Variants in CCDC144A observed in about 807,000 individuals in gnomAD.
CCDC144A encodes the protein coiled-coil domain-containing protein 144A.
A neutral mutation model predicts 143.8 loss-of-function variants in CCDC144A; 41 were observed. The observed-to-expected ratio is 0.29, with a 90% CI of 0.22 to 0.37. The LOEUF is 0.37. CCDC144A is among the 10% of genes least tolerant of loss of function. The pLI, the probability that CCDC144A is intolerant of heterozygous loss-of-function variation, is 1.00. For missense variants in CCDC144A, 637 were observed against 1,488.8 expected (o/e 0.43, Z 9.41); for synonymous variants, 242 against 517.9 (o/e 0.47, Z 7.23).
intron 6 of CCDC144A, among the ~76,000 whole-genome samples, chr17:16,715,245 T>C (rs1912677706): frequency 6.6e-6 from 1 of 151,282 alleles, no homozygotes; most frequent in Admixed American, 6.6e-5. Context: ...AATAAATATT[T>C]ATTAAATGAG....
chr17:16,771,758 A>T (rs1915829791), intron 15 of CCDC144A, among the ~76,000 whole-genome samples: 1 of 152,256 alleles, frequency 6.6e-6, no homozygotes. Flanking sequence ...TATTAATTGT[A>T]CTTTTGTGAG....
intron 14 of CCDC144A, among the ~76,000 whole-genome samples, chr17:16,763,121 T>G (rs1915449682): frequency 1.3e-5 from 2 of 150,818 alleles, no homozygotes; most frequent in African/African-American, 4.9e-5. Flanking sequence ...AATGATCAAC[T>G]AGGGTTGAAG....
rs1305069098 is a variant in CCDC144A, at chr17:16,690,300, G to C, written c.-101G>C. 2.2e-6 allele frequency: 2 copies of C among 907,820 alleles called. No individual in the cohort carries two copies. Among genetic ancestry groups the C allele is most frequent in the Non-Finnish European group, 1.6e-6 (1 of 613,570 alleles). 56.2% of individuals were successfully genotyped at this position (907,820 alleles called of 1,614,324 possible). A position where few individuals can be genotyped will look rare whatever the true frequency, so the allele number is the denominator to read the frequency against. On this transcript the variant is annotated 5_prime_UTR_variant, in exon 1 of 17. Transcript: ENST00000399273. ...CGCTTGGCTTGGCGTGGCAGTGATC[G>C]CTTGGCTTGGCATTTCTGGCTTGGC...
At chr17:16,704,465 A>C (rs1037745369) in intron 2 of CCDC144A, among the ~76,000 whole-genome samples, 3 of 152,128 alleles carry the variant, frequency 2.0e-5, no homozygotes, top group African/African-American at 7.2e-5. Context: ...AAAAAATAAA[A>C]AAAAAAAATT....
intron 9 of CCDC144A, among the ~76,000 whole-genome samples, chr17:16,729,991 T>TATATATATATAC (rs1491438660): frequency 7.1e-4 from 82 of 114,886 alleles, no homozygotes; most frequent in African/African-American, 2.5e-3. Context: ...TATATATATA[T>TATATATATATAC]ACACACATAC....
At chr17:16,766,390 A>G (rs990240630) in intron 15 of CCDC144A, 3 of 152,270 alleles carry the variant, frequency 2.0e-5, no homozygotes, top group African/African-American at 7.2e-5. Flanking sequence ...CTTTCACAGT[A>G]CTTACCAGAA....
chr17:16,691,268 G>T (rs1297261901), intron 1 of CCDC144A, among the ~76,000 whole-genome samples: 1 of 152,104 alleles, frequency 6.6e-6, no homozygotes, highest in Non-Finnish European at 1.5e-5. Flanking sequence ...AAATAATGTT[G>T]CAGAAAGAGA....
intron 2 of CCDC144A, among the ~76,000 whole-genome samples, chr17:16,700,059 G>A (rs1216918881): frequency 6.6e-6 from 1 of 152,114 alleles, no homozygotes; most frequent in East Asian, 1.9e-4. Context: ...CCTTCACTGA[G>A]GTTTGGTAAT....
intron 1 of CCDC144A, among the ~76,000 whole-genome samples, chr17:16,691,177 G>T (rs921318155): frequency 1.2e-4 from 18 of 151,998 alleles, no homozygotes; most frequent in Non-Finnish European, 1.2e-4. Flanking sequence ...GTGAAACCCC[G>T]CCTGTTATGC....
At chr17:16,669,564 CTCTG>C in the CCDC144A span, among the ~76,000 whole-genome samples, 15 of 152,218 alleles carry the variant, frequency 9.9e-5, no homozygotes, top group Non-Finnish European at 1.8e-4. Context: ...TGGAAATGTT[CTCTG>C]TCTATGTACG....
rs760344292 is a variant in CCDC144A at position 16,724,787 on chromosome 17, A to ATTTTTTTT, written c.1892-2711_1892-2704dup. On this transcript the variant is annotated intron_variant, in intron 8 of 16. Coordinates refer to ENST00000399273, the MANE Select transcript of CCDC144A (RefSeq NM_001382000.1). ...AGATTACACGTTCTTGATTAACTGA[A>ATTTTTTTT]TTTTTTTTTTTTTTTTTTTTTTTTT... 4.6e-4 allele frequency among the ~76,000 whole-genome samples: 16 copies of ATTTTTTTT among 35,096 alleles called. 3 individuals carry two copies. Among genetic ancestry groups the ATTTTTTTT allele is most frequent in the Non-Finnish European group, 6.7e-4 (13 of 19,334 alleles). The allele number at this position is 35,096 out of a possible 152,430, so 23.0% of individuals were successfully genotyped here. A position where few individuals can be genotyped will look rare whatever the true frequency, so the allele number is the denominator to read the frequency against.
intron 12 of CCDC144A, chr17:16,745,621 G>A (rs1323205727): frequency 3.8e-6 from 6 of 1,561,736 alleles, no homozygotes; most frequent in Admixed American, 3.8e-5. Context: ...GGCCAGGTGC[G>A]TGCAGTGACT....
In CCDC144A at chr17:16,733,495, C is replaced by T. The variant is rs1195380423; in HGVS notation, c.2418+829C>T. 2.0e-5 allele frequency among the ~76,000 whole-genome samples: 3 copies of T among 148,642 alleles called. No homozygotes were observed. The South Asian group carries it at 6.3e-4, about 31-fold the overall frequency. On this transcript the variant is annotated intron_variant, in intron 11 of 16. Coordinates refer to ENST00000399273, the MANE Select transcript of CCDC144A (RefSeq NM_001382000.1). ...CTCCAGCCTGGGTAACAGTGCGAGACTCCGTCTCAAAAAAAAAAAAAAAAG... is the reference window on the plus strand; with the variant it reads ...CTCCAGCCTGGGTAACAGTGCGAGATTCCGTCTCAAAAAAAAAAAAAAAAG...
chr17:16,709,289 T>A lies in CCDC144A; in HGVS notation c.1232T>A (p.Ile411Asn), dbSNP rs1912248825. 1.2e-6 allele frequency: 2 copies of A among 1,611,566 alleles called. No homozygotes were observed. Among genetic ancestry groups the A allele is most frequent in the Admixed American group, 1.7e-5 (1 of 59,976 alleles). Residue 411 changes from isoleucine (I) to asparagine (N), a missense_variant, in exon 5 of 17, where the codon ATT (isoleucine) becomes AAT (asparagine). By Grantham distance (149) the Ile-to-Asn change is moderately radical. Coordinates refer to ENST00000399273, the MANE Select transcript of CCDC144A (RefSeq NM_001382000.1). Reference protein sequence around the residue: ...LDCDNDNKPGIGHIFSTDKNF... With the variant: ...LDCDNDNKPGNGHIFSTDKNF... The stretch of plus-strand genomic sequence containing the variant: ...TGCGACAATGATAACAAACCAGGCA[T>A]TGGACATATTTTTAGTACAGATAAG...
At chr17:16,752,587 G>C (rs1304934481) in intron 12 of CCDC144A, among the ~76,000 whole-genome samples, 1 of 134,048 alleles carries the variant, frequency 7.5e-6, no homozygotes, top group Admixed American at 7.6e-5. Context: ...TCATGGGGTT[G>C]AGCTTTGGCT....
At chr17:16,725,303 A>G (rs1211446356) in intron 8 of CCDC144A, among the ~76,000 whole-genome samples, 2 of 151,774 alleles carry the variant, frequency 1.3e-5, no homozygotes, top group East Asian at 3.9e-4. Context: ...TTTGATTTCC[A>G]CTGGTCCCCC....
intron 8 of CCDC144A, among the ~76,000 whole-genome samples, chr17:16,721,314 G>A (rs1913081122): frequency 6.6e-6 from 1 of 151,718 alleles, no homozygotes; most frequent in Admixed American, 6.6e-5. Context: ...GTCTCTTCTT[G>A]TCCCTTTGTC....
chr17:16,729,745 G>A (rs913748105), intron 9 of CCDC144A, among the ~76,000 whole-genome samples: 4 of 150,742 alleles, frequency 2.7e-5, no homozygotes, highest in Non-Finnish European at 5.9e-5. Context: ...GTAAGACAAG[G>A]TTTCTCCATG....
intron 8 of CCDC144A, 138 bp downstream of exon 8, chr17:16,720,796 T>G (rs1913049804): frequency 7.0e-7 from 1 of 1,420,666 alleles, no homozygotes; most frequent in Non-Finnish European, 9.3e-7. Context: ...TAACTTATAC[T>G]CTACGCCAAA....
Sources: gnomAD v4.1 joint callset for allele counts (sites outside exome capture counted in the v4.1 genomes callset) on GRCh38, gnomAD v4.1.1 for gene constraint, MANE v1.5 for transcripts, NCBI Gene and HGNC (gene_info 2026-07-23, HGNC 2026-07-21) for gene names.